The following PCDH15 variants were observed in gnomAD, a reference collection of about 807,000 sequenced individuals.
The protein encoded by PCDH15 is protocadherin-15.
A neutral mutation model predicts 178.5 loss-of-function variants in PCDH15; 129 were observed. The observed-to-expected ratio is 0.72, with a 90% CI of 0.63 to 0.84. The LOEUF is 0.84. PCDH15 is among the 40% of genes least tolerant of loss of function. The pLI is 0.00. For synonymous variants in PCDH15, 800 were observed against 732.0 expected (o/e 1.09, Z -1.50); for missense variants, 2,230 against 2,099.9 (o/e 1.06, Z -1.21).
At position 55,364,428 on chromosome 10, in the gene PCDH15, G is replaced by A. The variant is rs1845303575; in HGVS notation, c.-155-197777C>T. Among the ~76,000 whole-genome samples the A allele has an allele frequency of 2.0e-5, 3 of 152,170 alleles. No individual in the cohort carries two copies. In the South Asian group the frequency reaches 6.2e-4, roughly 32 times the overall value. Reference sequence around the variant, plus strand: ...TCTTCTGGTTTCCATGGTTTCTTCTGAGAAATGTACAGTCATTGAGTCATT... The same window carrying A: ...TCTTCTGGTTTCCATGGTTTCTTCTAAGAAATGTACAGTCATTGAGTCATT... On this transcript the variant is annotated intron_variant, in intron 2 of 5. Coordinates refer to the PCDH15 transcript ENST00000613346.
chr10:55,589,542 G>A (rs1842795538), intron 2 of PCDH15, among the ~76,000 whole-genome samples: 1 of 151,790 alleles, frequency 6.6e-6, no homozygotes, highest in Non-Finnish European at 1.5e-5. Flanking sequence ...CACAATGGGA[G>A]AAAATTTTCG....
At chr10:54,417,929 G>T (rs1328052435) in intron 3 of PCDH15, among the ~76,000 whole-genome samples, 1 of 152,062 alleles carries the variant, frequency 6.6e-6, no homozygotes, top group African/African-American at 2.4e-5. Context: ...TGTAGAGAGG[G>T]TCTTATTATT....
At chr10:53,948,338 C>A (rs970925256) in intron 23 of PCDH15, among the ~76,000 whole-genome samples, 2 of 151,792 alleles carry the variant, frequency 1.3e-5, no homozygotes, top group African/African-American at 4.8e-5. Context: ...TTAGTGAGAC[C>A]GAGTGTACAG....
At chr10:55,014,419 A>G (rs1840120047) in intron 2 of PCDH15, among the ~76,000 whole-genome samples, 2 of 152,194 alleles carry the variant, frequency 1.3e-5, no homozygotes, top group South Asian at 4.1e-4. Context: ...GGAAAAATAA[A>G]TTACATTGCA....
chr10:53,857,302 C>T (rs1412920852), intron 27 of PCDH15, 39 bp from the exon 28 acceptor site: 1 of 1,499,526 alleles, frequency 6.7e-7, no homozygotes, highest in South Asian at 1.1e-5. Flanking sequence ...AATTTTTACT[C>T]ACTGAAATTT....
At chr10:55,117,577 G>A (rs1418766118) in intron 2 of PCDH15, among the ~76,000 whole-genome samples, 2 of 152,068 alleles carry the variant, frequency 1.3e-5, no homozygotes, top group Non-Finnish European at 2.9e-5. Context: ...CATTTGAACC[G>A]TGATGCCCAG....
chr10:54,655,308 G>C (rs891184604), intron 2 of PCDH15, among the ~76,000 whole-genome samples: 51 of 128,772 alleles, frequency 4.0e-4, no homozygotes, highest in African/African-American at 1.3e-3. Context: ...GAGAGACAGA[G>C]AGAGAGACAG....
chr10:55,614,007 G>A (rs1282677331), intron 2 of PCDH15, among the ~76,000 whole-genome samples: 2 of 151,874 alleles, frequency 1.3e-5, no homozygotes, highest in South Asian at 2.1e-4. Flanking sequence ...CCAGCTACTC[G>A]GGAGGCTGAG....
At chr10:53,838,266 C>T (rs1243187288) in intron 29 of PCDH15, among the ~76,000 whole-genome samples, 6 of 152,068 alleles carry the variant, frequency 3.9e-5, no homozygotes, top group South Asian at 4.1e-4. Context: ...TGAGCTACCG[C>T]GCCCGGCCAA....
chr10:53,999,861 G>A (rs1261131256), intron 20 of PCDH15, among the ~76,000 whole-genome samples: 2 of 152,142 alleles, frequency 1.3e-5, no homozygotes, highest in Non-Finnish European at 2.9e-5. Context: ...AACTTAAGTG[G>A]TAGCCAGGGT....
chr10:54,299,913 A>G (rs980541968), intron 8 of PCDH15, among the ~76,000 whole-genome samples: 1 of 152,222 alleles, frequency 6.6e-6, no homozygotes, highest in African/African-American at 2.4e-5. Flanking sequence ...GTAAAGAAAA[A>G]TTATAATCCC....
At chr10:54,144,300 G>A (rs1319956097) in intron 14 of PCDH15, among the ~76,000 whole-genome samples, 1 of 152,068 alleles carries the variant, frequency 6.6e-6, no homozygotes, top group African/African-American at 2.4e-5. Flanking sequence ...CAGTCCCATA[G>A]ATCACTTTTT....
chr10:55,544,135 C>CATATATATATATAT (rs776630410), intron 2 of PCDH15, among the ~76,000 whole-genome samples: 15 of 96,188 alleles, frequency 1.6e-4, no homozygotes, highest in South Asian at 3.3e-4. Context: ...AAATCTTATA[C>CATATATATATATAT]ATACATATAT....
chr10:54,397,943 A>T (rs2135429938), intron 3 of PCDH15, among the ~76,000 whole-genome samples: 1 of 152,036 alleles, frequency 6.6e-6, no homozygotes, highest in Non-Finnish European at 1.5e-5. Flanking sequence ...TCAAAGATCT[A>T]TTGCTGAGAT....
intron 1 of PCDH15, 70 bp from the exon 2 acceptor site, chr10:54,664,360 C>A: frequency 1.0e-6 from 1 of 978,812 alleles, no homozygotes; most frequent in South Asian, 1.4e-5. Flanking sequence ...ACACAATTGT[C>A]ACAGCACAGA....
chr10:54,740,626 G>A (rs919658571), intron 1 of PCDH15, among the ~76,000 whole-genome samples: 26 of 151,932 alleles, frequency 1.7e-4, no homozygotes, highest in Admixed American at 5.3e-4. Context: ...ATTAATCTAC[G>A]TCCATCAGCA....
At chr10:54,802,657 GAGA>G (rs1331003669), upstream of PCDH15, among the ~76,000 whole-genome samples, 1 of 152,184 alleles carries the variant, frequency 6.6e-6, no homozygotes, top group African/African-American at 2.4e-5. Context: ...TATTTTGTGT[GAGA>G]AGTTTTTCTG....
At chr10:54,907,362 T>A (rs142645941) in intron 2 of PCDH15, among the ~76,000 whole-genome samples, 49 of 152,304 alleles carry the variant, frequency 3.2e-4, no homozygotes, top group African/African-American at 1.2e-3. Context: ...AGAAACTGAA[T>A]CAGAAAACAA....
chr10:55,357,490 T>C (rs1302376579), intron 2 of PCDH15, among the ~76,000 whole-genome samples: 2 of 152,110 alleles, frequency 1.3e-5, no homozygotes, highest in East Asian at 1.9e-4. Context: ...CAGTTAGCTA[T>C]GTCATCTGGT....
Sources: allele counts gnomAD v4.1 joint callset (sites outside exome capture counted in the v4.1 genomes callset), GRCh38; gene constraint gnomAD v4.1.1; transcripts MANE v1.5; gene names NCBI Gene and HGNC (gene_info 2026-07-23, HGNC 2026-07-21).